The following VWC2 variants were observed in gnomAD, a reference collection of about 807,000 sequenced individuals.
VWC2 encodes brorin.
A neutral mutation model predicts 29.8 loss-of-function variants in VWC2; 14 were observed. That is an observed-to-expected ratio of 0.47 (90% CI 0.31 to 0.74). The LOEUF (loss-of-function observed/expected upper bound fraction) is 0.74, where lower values mean the gene tolerates loss of function less well. VWC2 is among the 30% of genes least tolerant of loss of function. The probability of loss-of-function intolerance (pLI) is 0.05; values close to 1 mark genes in which losing one functional copy is unlikely to be tolerated. For synonymous variants in VWC2, 213 were observed against 199.0 expected (o/e 1.07, Z -0.59); for missense variants, 457 against 459.8 (o/e 0.99, Z 0.05).
chr7:49,789,272 G>T (rs13242389), intron 2 of VWC2, among the ~76,000 whole-genome samples: 27,912 of 130,296 alleles, frequency 0.21, 2,866 homozygotes, highest in African/African-American at 0.41. Context: ...TGTGTGAGCG[G>T]GTGTGTGTGA....
At chr7:49,902,083 C>A (rs558864443) in intron 3 of VWC2, among the ~76,000 whole-genome samples, 2 of 151,824 alleles carry the variant, frequency 1.3e-5, no homozygotes, top group Non-Finnish European at 2.9e-5. Context: ...CCATAAAAGT[C>A]GTAGAAGATC....
chr7:49,848,039 C>T (rs1790022135), intron 3 of VWC2, among the ~76,000 whole-genome samples: 1 of 152,168 alleles, frequency 6.6e-6, no homozygotes, highest in Non-Finnish European at 1.5e-5. Context: ...TCCACAGCAA[C>T]ATGGGTGGGA....
chr7:49,796,325 A>G (rs1487313993), intron 2 of VWC2, among the ~76,000 whole-genome samples: 2 of 152,164 alleles, frequency 1.3e-5, no homozygotes, highest in Non-Finnish European at 2.9e-5. Flanking sequence ...TTGTCTGCTC[A>G]TGAGTGGGCA....
chr7:49,814,163 A>C (rs1477652476), intron 3 of VWC2, among the ~76,000 whole-genome samples: 1 of 152,206 alleles, frequency 6.6e-6, no homozygotes, highest in Non-Finnish European at 1.5e-5. Context: ...ATTAATCTGC[A>C]TAAAGCCCAA....
chr7:49,827,146 GT>G (rs1356586774), intron 3 of VWC2, among the ~76,000 whole-genome samples: 1 of 151,886 alleles, frequency 6.6e-6, no homozygotes, highest in African/African-American at 2.4e-5. Flanking sequence ...TGTATATTCT[GT>G]TAATACAGTT....
chr7:49,774,653 G>A (rs1269521148), intron 1 of VWC2, among the ~76,000 whole-genome samples: 1 of 152,180 alleles, frequency 6.6e-6, no homozygotes, highest in Non-Finnish European at 1.5e-5. Context: ...CGGAGGGGCG[G>A]GCCGGCAGAG....
At chr7:49,869,944 G>A (rs904581935) in intron 3 of VWC2, among the ~76,000 whole-genome samples, 1 of 152,118 alleles carries the variant, frequency 6.6e-6, no homozygotes, top group Non-Finnish European at 1.5e-5. Context: ...TATAGAAGAT[G>A]TGGTTGTCTC....
chr7:49,861,454 C>G (rs1165194532), intron 3 of VWC2, among the ~76,000 whole-genome samples: 1 of 152,110 alleles, frequency 6.6e-6, no homozygotes, highest in Non-Finnish European at 1.5e-5. Flanking sequence ...TTTTCACTGT[C>G]TTGATAAAAT....
At chr7:49,830,292 G>C (rs117209717) in intron 3 of VWC2, among the ~76,000 whole-genome samples, 305 of 152,264 alleles carry the variant, frequency 2.0e-3, no homozygotes, top group Admixed American at 5.6e-3. Context: ...TCCTGGAACA[G>C]AAGTTGTTTC....
At chr7:49,902,663 G>T (rs1244152378) in intron 3 of VWC2, among the ~76,000 whole-genome samples, 1 of 151,788 alleles carries the variant, frequency 6.6e-6, no homozygotes, top group African/African-American at 2.4e-5. Flanking sequence ...ACATTCTTAT[G>T]AAATAACAAG....
chr7:49,812,821 T>C (rs907492541), intron 3 of VWC2, among the ~76,000 whole-genome samples: 1 of 152,150 alleles, frequency 6.6e-6, no homozygotes, highest in Admixed American at 6.5e-5. Context: ...GCTCAGCTGT[T>C]TGTGATTGGC....
chr7:49,903,940 A>G (rs58925692), intron 3 of VWC2, among the ~76,000 whole-genome samples: 2,195 of 152,270 alleles, frequency 0.014, 63 homozygotes, highest in African/African-American at 0.05. Context: ...TCTGGTTTAC[A>G]TAGGGCTCAC....
intron 2 of VWC2, among the ~76,000 whole-genome samples, chr7:49,796,097 C>CTGAGAG (rs1788584992): frequency 1.3e-5 from 2 of 152,230 alleles, no homozygotes; most frequent in African/African-American, 4.8e-5. Flanking sequence ...ATCCAATAAT[C>CTGAGAG]TGAGAGTTAG....
rs562879902 is a variant in VWC2, at chr7:49,804,821, C to T, written c.826+1981C>T. 7.2e-5 allele frequency among the ~76,000 whole-genome samples: 11 copies of T among 152,284 alleles called. No individual in the cohort carries two copies. The South Asian group carries it at 2.3e-3, about 32-fold the overall frequency. ...CTGCCCCATCTCTCTATATACATAA[C>T]CCAACACCATCAATATATTTACTTA... On this transcript the variant is annotated intron_variant, in intron 3 of 3. Transcript: ENST00000340652.
intron 2 of VWC2, among the ~76,000 whole-genome samples, chr7:49,785,280 G>C (rs1334796101): frequency 2.0e-5 from 3 of 152,164 alleles, no homozygotes; most frequent in Non-Finnish European, 4.4e-5. Context: ...ACAGGAAAGA[G>C]ATGTTTCGAT....
At chr7:49,792,735 G>A (rs761900066) in intron 2 of VWC2, among the ~76,000 whole-genome samples, 5 of 152,174 alleles carry the variant, frequency 3.3e-5, no homozygotes, top group Admixed American at 1.3e-4. Context: ...ATTTTCCCTC[G>A]GGCTTGGCTG....
intron 3 of VWC2, among the ~76,000 whole-genome samples, chr7:49,870,638 T>A (rs1478813381): frequency 1.3e-5 from 2 of 152,198 alleles, no homozygotes; most frequent in Non-Finnish European, 2.9e-5. Flanking sequence ...ATAGCTCACA[T>A]GTGCATCAGG....
At chr7:49,907,772 A>C (rs1165993030) in intron 3 of VWC2, among the ~76,000 whole-genome samples, 5 of 152,244 alleles carry the variant, frequency 3.3e-5, no homozygotes, top group Non-Finnish European at 7.3e-5. Flanking sequence ...GGTGTATTCA[A>C]AGATGTTCTG....
At chr7:49,900,509 T>TA (rs983950570) in intron 3 of VWC2, among the ~76,000 whole-genome samples, 59 of 151,484 alleles carry the variant, frequency 3.9e-4, no homozygotes, top group Admixed American at 1.4e-3. Context: ...AAAGGGATAA[T>TA]AAAAAAATAC....
Sources: allele counts gnomAD v4.1 joint callset (sites outside exome capture counted in the v4.1 genomes callset), GRCh38; gene constraint gnomAD v4.1.1; transcripts MANE v1.5; gene names NCBI Gene and HGNC (gene_info 2026-07-23, HGNC 2026-07-21).